The following MACROD2 variants were observed in gnomAD, a reference collection of about 807,000 sequenced individuals.
MACROD2 encodes ADP-ribose glycohydrolase MACROD2.
Under a neutral mutation model 70.4 loss-of-function variants are expected in MACROD2, and 36 were observed. The observed-to-expected ratio is 0.51, with a 90% confidence interval of 0.39 to 0.68. MACROD2 has a LOEUF of 0.68. MACROD2 is among the 30% of genes least tolerant of loss of function. The pLI, the probability that MACROD2 is intolerant of heterozygous loss-of-function variation, is 0.00. For synonymous variants in MACROD2, 172 were observed against 178.8 expected, an observed-to-expected ratio of 0.96 and a Z score of 0.30; for missense variants, 496 against 538.4, an observed-to-expected ratio of 0.92 and a Z score of 0.78.
chr20:14,232,243 T>C (rs2081821467), intron 3 of MACROD2, among the ~76,000 whole-genome samples: 1 of 152,188 alleles, frequency 6.6e-6, no homozygotes, highest in Non-Finnish European at 1.5e-5. Context: ...CCCTACGATA[T>C]TTAGAATGTT....
intron 6 of MACROD2, among the ~76,000 whole-genome samples, chr20:15,407,503 G>C (rs982598764): frequency 1.3e-5 from 2 of 152,158 alleles, no homozygotes; most frequent in Non-Finnish European, 2.9e-5. Flanking sequence ...ATCCCAACTT[G>C]AGAAGCTCTA....
At chr20:14,954,919 A>G (rs1359054928) in intron 5 of MACROD2, among the ~76,000 whole-genome samples, 1 of 68,350 alleles carries the variant, frequency 1.5e-5, no homozygotes, top group African/African-American at 5.6e-5. Context: ...TTATATAATT[A>G]AATATATTAT....
intron 3 of MACROD2, among the ~76,000 whole-genome samples, chr20:14,233,279 G>A (rs2081835576): frequency 6.6e-6 from 1 of 152,166 alleles, no homozygotes; most frequent in South Asian, 2.1e-4. Flanking sequence ...AAATGGTACC[G>A]ATAGATGTGC....
At chr20:15,765,848 T>C (rs976747407) in intron 8 of MACROD2, among the ~76,000 whole-genome samples, 6 of 152,270 alleles carry the variant, frequency 3.9e-5, no homozygotes, top group African/African-American at 1.2e-4. Flanking sequence ...ATCTATACAA[T>C]GTAAGTATTT....
intron 6 of MACROD2, among the ~76,000 whole-genome samples, chr20:15,249,896 G>A (rs1384336492): frequency 6.6e-6 from 1 of 152,350 alleles, no homozygotes; most frequent in Middle Eastern, 3.4e-3. Context: ...TTATTTAAGA[G>A]TGAAATGTAG....
intron 8 of MACROD2, among the ~76,000 whole-genome samples, chr20:15,653,963 G>A (rs2049685921): frequency 6.6e-6 from 1 of 152,072 alleles, no homozygotes; most frequent in South Asian, 2.1e-4. Flanking sequence ...CAAGCAGGAA[G>A]ACATGGAAAA....
At chr20:14,854,789 G>T (rs905821890) in intron 5 of MACROD2, among the ~76,000 whole-genome samples, 6 of 152,088 alleles carry the variant, frequency 3.9e-5, no homozygotes, top group Admixed American at 3.3e-4. Flanking sequence ...GGCCGAGGCG[G>T]GTGGATCACA....
chr20:15,380,286 T>G (rs990853722), intron 6 of MACROD2, among the ~76,000 whole-genome samples: 6 of 152,304 alleles, frequency 3.9e-5, no homozygotes, highest in Admixed American at 3.9e-4. Context: ...TGGGAAATAT[T>G]ATTTTACAAA....
At chr20:14,684,648 A>ACCACCCC (rs2070977501) in intron 4 of MACROD2, among the ~76,000 whole-genome samples, 195 bp from the exon 5 acceptor site, 3 of 134,950 alleles carry the variant, frequency 2.2e-5, no homozygotes, top group Non-Finnish European at 5.0e-5. Flanking sequence ...ACATAACCTC[A>ACCACCCC]CCCCCCCCCC....
intron 8 of MACROD2, among the ~76,000 whole-genome samples, chr20:15,754,080 C>T (rs2051311486): frequency 6.6e-6 from 1 of 152,146 alleles, no homozygotes; most frequent in African/African-American, 2.4e-5. Context: ...AGTTACTTAA[C>T]ATACATAATG....
chr20:15,037,555 AT>A (rs1190384711), intron 5 of MACROD2, among the ~76,000 whole-genome samples: 2 of 152,192 alleles, frequency 1.3e-5, no homozygotes, highest in African/African-American at 4.8e-5. Context: ...ATGTGCTGGC[AT>A]TTTAGTCAGT....
intron 7 of MACROD2, among the ~76,000 whole-genome samples, chr20:15,449,856 G>A (rs1173691807): frequency 6.6e-6 from 1 of 152,152 alleles, no homozygotes; most frequent in African/African-American, 2.4e-5. Context: ...AGCTGGGCAT[G>A]GTGGCATATG....
intron 5 of MACROD2, among the ~76,000 whole-genome samples, chr20:15,174,707 G>C (rs952794463): frequency 2.0e-5 from 3 of 152,236 alleles, no homozygotes; most frequent in African/African-American, 7.2e-5. Flanking sequence ...TAACTGGTGT[G>C]AGATGGTATC....
chr20:15,374,616 A>G (rs1600313386), intron 6 of MACROD2, among the ~76,000 whole-genome samples: 1 of 152,160 alleles, frequency 6.6e-6, no homozygotes, highest in Non-Finnish European at 1.5e-5. Context: ...GACAGTTGAT[A>G]TAACTGATCT....
chr20:14,111,161 G>A (rs2054445789), intron 3 of MACROD2, among the ~76,000 whole-genome samples: 3 of 151,986 alleles, frequency 2.0e-5, no homozygotes, highest in African/African-American at 7.2e-5. Context: ...GGAAAAACTG[G>A]ATATCCATAT....
intron 5 of MACROD2, among the ~76,000 whole-genome samples, chr20:15,070,273 T>C (rs2075608474): frequency 6.6e-6 from 1 of 152,186 alleles, no homozygotes; most frequent in Admixed American, 6.5e-5. Flanking sequence ...TAACTTATTT[T>C]TGATTTTACA....
chr20:14,665,256 C>A (rs888836567), intron 4 of MACROD2, among the ~76,000 whole-genome samples: 6 of 151,608 alleles, frequency 4.0e-5, no homozygotes, highest in African/African-American at 1.5e-4. Context: ...TATTGAATGG[C>A]AGCTTAATGG....
chr20:14,837,657 C>T (rs1001198646), intron 5 of MACROD2, among the ~76,000 whole-genome samples: 2 of 151,918 alleles, frequency 1.3e-5, no homozygotes, highest in African/African-American at 4.8e-5. Context: ...ATTGACCAGT[C>T]AACTAAACAA....
intron 5 of MACROD2, among the ~76,000 whole-genome samples, chr20:14,779,382 G>C (rs1051065939): frequency 5.3e-5 from 8 of 152,066 alleles, no homozygotes; most frequent in African/African-American, 1.9e-4. Flanking sequence ...GACATGTAAT[G>C]ATATATTCAC....
Sources: gnomAD v4.1 joint callset for allele counts (sites outside exome capture counted in the v4.1 genomes callset) on GRCh38, gnomAD v4.1.1 for gene constraint, MANE v1.5 for transcripts, NCBI Gene and HGNC (gene_info 2026-07-23, HGNC 2026-07-21) for gene names.